CPNE4: variants seen among roughly 807,000 people sequenced by gnomAD.
The protein encoded by CPNE4 is copine 4, also known as copine-4.
Under a neutral mutation model 67.9 loss-of-function variants are expected in CPNE4, and 25 were observed. That is an observed-to-expected ratio of 0.37 (90% CI 0.27 to 0.51). The LOEUF (loss-of-function observed/expected upper bound fraction) is 0.51, where lower values mean the gene tolerates loss of function less well. Ranked by LOEUF, CPNE4 falls within the 20% of genes least tolerant of loss-of-function variation. CPNE4 has a pLI of 0.93. For missense variants in CPNE4, 464 were observed against 690.8 expected (o/e 0.67, Z 3.68); for synonymous variants, 242 against 244.9 (o/e 0.99, Z 0.11).
At position 131,892,783 on chromosome 3, in the gene CPNE4, C is replaced by T. The variant is rs190178505; in HGVS notation, c.180+12481G>A. 1.1e-3 allele frequency among the ~76,000 whole-genome samples: 172 copies of T among 152,040 alleles called. No homozygotes were observed. The Middle Eastern group carries it at 0.014, about 12-fold the overall frequency. On this transcript the variant is annotated intron_variant, in intron 2 of 15. Transcript: ENST00000429747. ...AATCGTCTATTTTAACTACAAGACT[C>T]TTTGTATTAGCCCCATGGTAACTAC...
intron 1 of CPNE4, among the ~76,000 whole-genome samples, chr3:131,916,737 A>G (rs954071703): frequency 4.6e-5 from 7 of 152,212 alleles, no homozygotes; most frequent in Non-Finnish European, 8.8e-5. Context: ...ACACGTGTCT[A>G]TTAAGCACTT....
chr3:131,737,663 G>C (rs1340453891), intron 2 of CPNE4, among the ~76,000 whole-genome samples: 3 of 152,142 alleles, frequency 2.0e-5, no homozygotes, highest in Non-Finnish European at 4.4e-5. Context: ...CGTTTATCAT[G>C]AGCTCTGTGC....
chr3:131,998,719 G>GA (rs11374034), intron 1 of CPNE4, among the ~76,000 whole-genome samples: 141,548 of 152,090 alleles, frequency 0.93, 66,113 homozygotes, highest in African/African-American at 0.98. Context: ...ATACAGAAAT[G>GA]AAAAGATGGG....
At chr3:131,572,086 C>G (rs1478680899) in intron 10 of CPNE4, among the ~76,000 whole-genome samples, 1 of 151,976 alleles carries the variant, frequency 6.6e-6, no homozygotes, top group Non-Finnish European at 1.5e-5. Context: ...GTATTTTGAG[C>G]AGCTTAGCAG....
At chr3:131,802,230 C>G (rs2084158254) in intron 2 of CPNE4, among the ~76,000 whole-genome samples, 1 of 152,150 alleles carries the variant, frequency 6.6e-6, no homozygotes, top group Non-Finnish European at 1.5e-5. Flanking sequence ...TCAACCACAT[C>G]TACTCCTTGT....
At chr3:131,699,854 A>T (rs1285606207) in intron 4 of CPNE4, 55 bp downstream of exon 4, 63 of 1,494,094 alleles carry the variant, frequency 4.2e-5, no homozygotes, top group Middle Eastern at 1.7e-4. Flanking sequence ...TGGGCTGGCC[A>T]GTCCGCCCAG....
intron 3 of CPNE4, among the ~76,000 whole-genome samples, chr3:131,721,641 C>T (rs1031172402): frequency 2.0e-5 from 3 of 152,072 alleles, no homozygotes; most frequent in Admixed American, 6.5e-5. Context: ...GTGATCTGCC[C>T]TCCTTGGCTT....
At chr3:131,709,639 C>G (rs1188436628) in intron 3 of CPNE4, among the ~76,000 whole-genome samples, 2 of 152,216 alleles carry the variant, frequency 1.3e-5, no homozygotes, top group African/African-American at 4.8e-5. Flanking sequence ...CAGTTTAACT[C>G]ATGCCTCCCT....
chr3:131,830,307 T>C (rs2085316180), intron 2 of CPNE4, among the ~76,000 whole-genome samples: 1 of 152,216 alleles, frequency 6.6e-6, no homozygotes, highest in Non-Finnish European at 1.5e-5. Context: ...CTCTTGCCTG[T>C]ATTATTATAA....
chr3:131,567,030 G>A (rs543367294), intron 10 of CPNE4, among the ~76,000 whole-genome samples: 3 of 151,830 alleles, frequency 2.0e-5, no homozygotes, highest in Admixed American at 6.6e-5. Flanking sequence ...TCCATCATGG[G>A]TCACCACCTC....
chr3:131,827,386 A>G (rs1474265654), intron 2 of CPNE4, among the ~76,000 whole-genome samples: 1 of 150,974 alleles, frequency 6.6e-6, no homozygotes, highest in Non-Finnish European at 1.5e-5. Flanking sequence ...ATGGTAATTC[A>G]TGGCTACTCA....
chr3:131,675,248 A>G (rs1428542067), intron 6 of CPNE4, among the ~76,000 whole-genome samples: 2 of 152,118 alleles, frequency 1.3e-5, no homozygotes, highest in African/African-American at 4.8e-5. Context: ...TATCCTTGAG[A>G]ATGGTCCATG....
intron 7 of CPNE4, among the ~76,000 whole-genome samples, chr3:131,655,158 A>G (rs2079919336): frequency 6.6e-6 from 1 of 152,210 alleles, no homozygotes; most frequent in African/African-American, 2.4e-5. Flanking sequence ...TTCTATATGA[A>G]TCATGCTTTA....
chr3:131,978,121 AATAT>A (rs1386040260), intron 1 of CPNE4, among the ~76,000 whole-genome samples: 1,279 of 70,444 alleles, frequency 0.018, 81 homozygotes, highest in Non-Finnish European at 0.023. Context: ...AATATATATA[AATAT>A]ATATATTTAT....
chr3:131,604,707 TGCAGATG>T (rs1939399315), intron 7 of CPNE4, among the ~76,000 whole-genome samples: 1 of 152,134 alleles, frequency 6.6e-6, no homozygotes, highest in Admixed American at 6.5e-5. Flanking sequence ...CTCCTCAGCC[TGCAGATG>T]GCTGTTGTGG....
chr3:131,770,256 A>G (rs2083131655), intron 2 of CPNE4, among the ~76,000 whole-genome samples: 1 of 152,200 alleles, frequency 6.6e-6, no homozygotes, highest in Admixed American at 6.5e-5. Flanking sequence ...TCCACATTTT[A>G]AAGAAAAGAA....
At chr3:131,678,177 CTCTT>C (rs1179206447) in intron 6 of CPNE4, among the ~76,000 whole-genome samples, 1 of 151,302 alleles carries the variant, frequency 6.6e-6, no homozygotes, top group Non-Finnish European at 1.5e-5. Flanking sequence ...AGGCATGTCA[CTCTT>C]TTTTTTTAGT....
intron 9 of CPNE4, among the ~76,000 whole-genome samples, chr3:131,580,405 CATATACATATACATATACATATACATAT>C (rs1487489516): frequency 2.3e-5 from 1 of 42,562 alleles, no homozygotes; most frequent in African/African-American, 5.4e-5. Context: ...TATACATATA[CATATACATATACATATACATATACATAT>C]ACATATACAT....
At position 131,908,941 on chromosome 3, in the gene CPNE4, T is replaced by C. The variant is rs373853420; in HGVS notation, c.-1-3497A>G. ...ACCACAATACCAGGTATATTGTGGA[T>C]GCTCTGATAGTGGTAGCTATTGTTA... On this transcript the variant is annotated intron_variant, in intron 1 of 15. Transcript: ENST00000429747. Among the ~76,000 whole-genome samples, 9 of 152,300 alleles carry C rather than the reference T, an allele frequency of 5.9e-5. No homozygotes were observed. The South Asian group carries it at 1.9e-3, about 32-fold the overall frequency.
Sources: gnomAD v4.1 joint callset for allele counts (sites outside exome capture counted in the v4.1 genomes callset) on GRCh38, gnomAD v4.1.1 for gene constraint, MANE v1.5 for transcripts, NCBI Gene and HGNC (gene_info 2026-07-23, HGNC 2026-07-21) for gene names.